Variants in CSMD1 observed in about 807,000 individuals in gnomAD.
CSMD1 encodes the protein CUB and sushi domain-containing protein 1.
CSMD1 carries 213 observed loss-of-function variants against 417.5 expected under a neutral mutation model. The ratio of observed to expected loss-of-function variants is 0.51; its 90% CI spans 0.46 to 0.57. The LOEUF (loss-of-function observed/expected upper bound fraction) is 0.57. Among genes scored for constraint, CSMD1 ranks in the 20% least tolerant of loss-of-function variants. The pLI, the probability that CSMD1 is intolerant of heterozygous loss-of-function variation, is 0.00. For synonymous variants in CSMD1, 2,862 were observed against 1,736.8 expected (o/e 1.65, Z -16.11); for missense variants, 6,923 against 4,529.7 (o/e 1.53, Z -15.17).
chr8:3,562,610 C>T (rs1356855823), intron 10 of CSMD1, among the ~76,000 whole-genome samples: 1 of 151,846 alleles, frequency 6.6e-6, no homozygotes, highest in African/African-American at 2.4e-5. Flanking sequence ...AATTTTATTT[C>T]TAGAAATTTT....
At chr8:4,111,485 C>G (rs1013884033) in intron 3 of CSMD1, among the ~76,000 whole-genome samples, 4 of 152,154 alleles carry the variant, frequency 2.6e-5, no homozygotes, top group African/African-American at 9.7e-5. Context: ...TTCATTGCAG[C>G]ACTATCCACA....
At chr8:4,102,513 C>T (rs192707736) in intron 3 of CSMD1, among the ~76,000 whole-genome samples, 8 of 152,064 alleles carry the variant, frequency 5.3e-5, no homozygotes, top group Admixed American at 1.3e-4. Flanking sequence ...GAAAACTTAG[C>T]GACAATGGGG....
chr8:3,938,685 C>T (rs1157681181), intron 5 of CSMD1, among the ~76,000 whole-genome samples: 2 of 152,168 alleles, frequency 1.3e-5, no homozygotes, highest in African/African-American at 4.8e-5. Context: ...CTTTGAATGG[C>T]AGGAGTTGAC....
At chr8:4,688,085 T>C (rs1357328182) in intron 1 of CSMD1, among the ~76,000 whole-genome samples, 1 of 152,172 alleles carries the variant, frequency 6.6e-6, no homozygotes, top group African/African-American at 2.4e-5. Flanking sequence ...TTACCCAGTT[T>C]TAAAGCTTTC....
At chr8:4,060,804 G>C (rs1437147357) in intron 3 of CSMD1, among the ~76,000 whole-genome samples, 1 of 152,138 alleles carries the variant, frequency 6.6e-6, no homozygotes, top group Non-Finnish European at 1.5e-5. Context: ...AAAAAGGTAG[G>C]AATGGGGCAA....
chr8:4,729,052 A>G (rs751011066), intron 1 of CSMD1, among the ~76,000 whole-genome samples: 1 of 152,176 alleles, frequency 6.6e-6, no homozygotes, highest in Non-Finnish European at 1.5e-5. Flanking sequence ...TTCACTGATG[A>G]CCTGAATATA....
rs570686606 is a variant in CSMD1 at position 4,748,443 on chromosome 8, T to C, written c.86-110885A>G. On this transcript the variant is annotated intron_variant, in intron 1 of 69. Transcript: ENST00000635120. ...ATTTGCTGCTGCAGTATCATATTTA[T>C]GACCCAAGTAAGGGTGAAACTCTGG... 1.5e-4 allele frequency among the ~76,000 whole-genome samples: 23 copies of C among 152,354 alleles called. No individual in the cohort carries two copies. The South Asian group carries it at 4.8e-3, about 32-fold the overall frequency.
chr8:4,970,548 C>A (rs892439625), intron 1 of CSMD1, among the ~76,000 whole-genome samples: 11 of 151,892 alleles, frequency 7.2e-5, no homozygotes, highest in African/African-American at 2.7e-4. Flanking sequence ...TAACTTTGGA[C>A]AACAGGTGGT....
At chr8:3,214,775 TTG>T in intron 29 of CSMD1, 84 bp from the exon 30 acceptor site, 3 of 1,106,996 alleles carry the variant, frequency 2.7e-6, no homozygotes, top group Non-Finnish European at 3.8e-6. Flanking sequence ...GGTTCTTTAA[TTG>T]TGTTATTTAG....
At chr8:4,824,555 C>A (rs982595354) in intron 1 of CSMD1, among the ~76,000 whole-genome samples, 1 of 152,064 alleles carries the variant, frequency 6.6e-6, no homozygotes, top group African/African-American at 2.4e-5. Flanking sequence ...AATAATTACA[C>A]CACGGAAACA....
chr8:3,315,405 C>G (rs935417719), intron 23 of CSMD1, among the ~76,000 whole-genome samples: 1 of 150,582 alleles, frequency 6.6e-6, no homozygotes, highest in Middle Eastern at 3.4e-3. Context: ...ATACATCTCT[C>G]TTTATTCAAG....
chr8:4,936,379 A>T (rs1265526576), intron 1 of CSMD1, among the ~76,000 whole-genome samples: 2 of 152,234 alleles, frequency 1.3e-5, no homozygotes, highest in Admixed American at 1.3e-4. Flanking sequence ...TAGAGTGGGC[A>T]GCAGTATAAT....
chr8:4,150,928 A>G lies in CSMD1; in HGVS notation c.416-118829T>C, dbSNP rs568359720. 8.3e-4 allele frequency among the ~76,000 whole-genome samples: 126 copies of G among 152,198 alleles called. 1 individual carries two copies. The highest frequency in any genetic ancestry group is 1.5e-3 in the Non-Finnish European group (99 of 68,020). On this transcript the variant is annotated intron_variant, in intron 3 of 69. Transcript: ENST00000635120. ...TGTTTTGTTCCCTCTCCTGTGCTTT[A>G]ATTACAGTCTGCAACGTCCAAACTT...
chr8:4,067,893 A>G (rs542165310), intron 3 of CSMD1, among the ~76,000 whole-genome samples: 3 of 152,256 alleles, frequency 2.0e-5, no homozygotes, highest in East Asian at 3.9e-4. Flanking sequence ...CCTGGCCAAC[A>G]TGATGAAACC....
At chr8:4,299,328 T>C (rs1011458975) in intron 3 of CSMD1, among the ~76,000 whole-genome samples, 3 of 152,178 alleles carry the variant, frequency 2.0e-5, no homozygotes, top group Non-Finnish European at 4.4e-5. Context: ...TTTAAATAAT[T>C]ACTTCCAAGA....
chr8:2,999,888 T>C, intron 53 of CSMD1, 70 bp downstream of exon 53: 1 of 1,385,360 alleles, frequency 7.2e-7, no homozygotes, highest in African/African-American at 1.4e-5. Flanking sequence ...GTGTATATTG[T>C]GACCTAATAA....
At chr8:3,590,229 C>T (rs531691840) in intron 8 of CSMD1, among the ~76,000 whole-genome samples, 12 of 152,052 alleles carry the variant, frequency 7.9e-5, no homozygotes, top group South Asian at 2.1e-4. Flanking sequence ...CATTTTTGAG[C>T]GGTAGTATCA....
Position 4,129,090 on chromosome 8 carries a change from A to C in CSMD1, c.416-96991T>G, listed in dbSNP as rs866001885. 4.6e-3 allele frequency among the ~76,000 whole-genome samples: 687 copies of C among 150,560 alleles called. 10 individuals carry two copies. The highest frequency in any genetic ancestry group is 0.016 in the African/African-American group (648 of 41,160). ...AGTCCAACTCAAAAAAAAAAAAAAAAAACAAAACAAAAAAAACAGAATTTT... is the reference window on the plus strand; with the variant it reads ...AGTCCAACTCAAAAAAAAAAAAAAACAACAAAACAAAAAAAACAGAATTTT... On this transcript the variant is annotated intron_variant, in intron 3 of 69. Transcript: ENST00000635120.
chr8:4,157,223 G>C (rs971271067), intron 3 of CSMD1, among the ~76,000 whole-genome samples: 10 of 152,272 alleles, frequency 6.6e-5, no homozygotes, highest in African/African-American at 2.4e-4. Flanking sequence ...TCCACAGAAG[G>C]AGTTTATAAG....
Sources: allele counts gnomAD v4.1 joint callset (sites outside exome capture counted in the v4.1 genomes callset), GRCh38; gene constraint gnomAD v4.1.1; transcripts MANE v1.5; gene names NCBI Gene and HGNC (gene_info 2026-07-23, HGNC 2026-07-21).